ELP4: variants seen among roughly 807,000 people sequenced by gnomAD.
The protein encoded by ELP4 is elongator acetyltransferase complex subunit 4, also known as elongator complex protein 4.
In ELP4, 51 loss-of-function variants were observed where a neutral mutation model predicts 48.9. The observed-to-expected ratio is 1.04, with a 90% CI of 0.83 to 1.32. The LOEUF is 1.32. ELP4 is among the 40% of genes most tolerant of loss of function. The probability of loss-of-function intolerance (pLI) is 0.00; values close to 1 mark genes in which losing one functional copy is unlikely to be tolerated. For missense variants in ELP4, 519 were observed against 514.6 expected, an observed-to-expected ratio of 1.01 and a Z score of -0.08; for synonymous variants, 210 against 189.2, an observed-to-expected ratio of 1.11 and a Z score of -0.90.
At chr11:31,725,138 C>A (rs1439578029) in intron 9 of ELP4, among the ~76,000 whole-genome samples, 1 of 152,204 alleles carries the variant, frequency 6.6e-6, no homozygotes, top group East Asian at 1.9e-4. Context: ...CTGACTACCT[C>A]TGAGGCAGGA....
intron 9 of ELP4, among the ~76,000 whole-genome samples, chr11:31,740,313 C>G (rs1947416710): frequency 6.6e-6 from 1 of 152,130 alleles, no homozygotes; most frequent in Non-Finnish European, 1.5e-5. Flanking sequence ...GTTTGGCATG[C>G]TAAGGAATTT....
chr11:31,540,725 A>T (rs1379390315), intron 3 of ELP4, among the ~76,000 whole-genome samples: 1 of 152,252 alleles, frequency 6.6e-6, no homozygotes, highest in Non-Finnish European at 1.5e-5. Flanking sequence ...CTACACAGTC[A>T]TGATAATAAG....
At chr11:31,644,969 G>A (rs940937148) in intron 7 of ELP4, among the ~76,000 whole-genome samples, 1 of 151,682 alleles carries the variant, frequency 6.6e-6, no homozygotes, top group Non-Finnish European at 1.5e-5. Flanking sequence ...ATGTTTTTCA[G>A]ATATCCCTAC....
chr11:31,551,305 A>T (rs1956847272), intron 3 of ELP4, among the ~76,000 whole-genome samples: 1 of 152,140 alleles, frequency 6.6e-6, no homozygotes, highest in African/African-American at 2.4e-5. Flanking sequence ...CATCGTCAAC[A>T]TCATCTCGTC....
At chr11:31,601,370 A>C (rs1214955456) in intron 4 of ELP4, among the ~76,000 whole-genome samples, 1 of 152,130 alleles carries the variant, frequency 6.6e-6, no homozygotes, top group Non-Finnish European at 1.5e-5. Context: ...CATCAGCAAT[A>C]AAATTTTCAT....
intron 9 of ELP4, among the ~76,000 whole-genome samples, chr11:31,704,711 A>G (rs1468734223): frequency 6.6e-6 from 1 of 152,170 alleles, no homozygotes; most frequent in Non-Finnish European, 1.5e-5. Context: ...ACTCTTGTTT[A>G]TGACTTAAAG....
rs1946805583 is a variant in ELP4 at position 31,714,726 on chromosome 11, C to G, written c.1143+64505C>G. 3 of 398,578 alleles carry G rather than the reference C, an allele frequency of 7.5e-6. 1 individual carries two copies. The allele number at this position is 398,578 out of a possible 1,614,324, so 24.7% of individuals were successfully genotyped here. On this transcript the variant is annotated intron_variant, in intron 9 of 9. Coordinates refer to ENST00000640961, the MANE Select transcript of ELP4 (RefSeq NM_019040.5). ...GCCTTTTCCAGCTTCTAGAGGTTGC[C>G]TGCATTCCTTGGCTCATGGCTTCTT...
chr11:31,638,751 T>A (rs1304683283), intron 7 of ELP4, among the ~76,000 whole-genome samples: 1 of 151,846 alleles, frequency 6.6e-6, no homozygotes, highest in African/African-American at 2.4e-5. Flanking sequence ...CCATAAACTT[T>A]TTTGTTCATG....
At chr11:31,680,315 T>C (rs1946028888) in intron 9 of ELP4, among the ~76,000 whole-genome samples, 2 of 152,192 alleles carry the variant, frequency 1.3e-5, no homozygotes, top group Admixed American at 1.3e-4. Context: ...ACAGAAGGAA[T>C]TGAGTTAAAT....
intron 3 of ELP4, among the ~76,000 whole-genome samples, chr11:31,558,357 T>G (rs1242240391): frequency 6.6e-6 from 1 of 152,116 alleles, no homozygotes; most frequent in Non-Finnish European, 1.5e-5. Context: ...AGATAAAAAT[T>G]AAAATGTACA....
intron 9 of ELP4, among the ~76,000 whole-genome samples, chr11:31,669,879 A>G (rs1945771619): frequency 6.6e-6 from 1 of 152,164 alleles, no homozygotes; most frequent in African/African-American, 2.4e-5. Context: ...ACCAAACTAT[A>G]TATTGTCCTT....
chr11:31,615,607 T>C (rs1004391471), intron 5 of ELP4, among the ~76,000 whole-genome samples: 35 of 152,130 alleles, frequency 2.3e-4, no homozygotes, highest in African/African-American at 7.7e-4. Flanking sequence ...CTTTTTTTTT[T>C]CCCCTATCCC....
At chr11:31,625,630 A>G (rs905314275) in intron 5 of ELP4, among the ~76,000 whole-genome samples, 6 of 151,922 alleles carry the variant, frequency 3.9e-5, no homozygotes, top group Non-Finnish European at 8.8e-5. Context: ...TTATTAGTGG[A>G]TTAGAATGCA....
At chr11:31,591,579 A>C (rs940435676) in intron 3 of ELP4, among the ~76,000 whole-genome samples, 1 of 152,282 alleles carries the variant, frequency 6.6e-6, no homozygotes, top group African/African-American at 2.4e-5. Flanking sequence ...TAGGGTAGCT[A>C]TTTAAAAATA....
chr11:31,541,723 C>G lies in ELP4; in HGVS notation c.381+1940C>G, dbSNP rs1956593835. 2.0e-5 allele frequency among the ~76,000 whole-genome samples: 3 copies of G among 152,176 alleles called. No individual in the cohort carries two copies. In the South Asian group the frequency reaches 6.2e-4, roughly 31 times the overall value. On this transcript the variant is annotated intron_variant, in intron 3 of 9. Transcript: ENST00000640961. ...TAATTTCAAAACTAATCCCTGACAT[C>G]TTTCTTAGGGGTGCCTTGAATTTGT...
chr11:31,592,216 G>A (rs565518433), intron 3 of ELP4, among the ~76,000 whole-genome samples: 2 of 152,170 alleles, frequency 1.3e-5, no homozygotes, highest in South Asian at 2.1e-4. Context: ...TTAAAATGTT[G>A]TTTTTATGTT....
intron 9 of ELP4, among the ~76,000 whole-genome samples, chr11:31,674,990 C>T (rs536320487): frequency 6.6e-4 from 101 of 152,012 alleles, no homozygotes; most frequent in Non-Finnish European, 1.2e-3. Context: ...TTGTACACAA[C>T]GTGGCAGTAA....
intron 3 of ELP4, among the ~76,000 whole-genome samples, chr11:31,578,278 A>C (rs775016012): frequency 2.4e-4 from 37 of 152,126 alleles, no homozygotes; most frequent in Non-Finnish European, 4.3e-4. Flanking sequence ...ACCACTGCTC[A>C]GCGAAAGAAG....
At chr11:31,571,522 C>A (rs760859046) in intron 3 of ELP4, among the ~76,000 whole-genome samples, 1 of 152,174 alleles carries the variant, frequency 6.6e-6, no homozygotes, top group Non-Finnish European at 1.5e-5. Context: ...GACCTCCTCT[C>A]GTGAATCATG....
Sources: allele counts gnomAD v4.1 joint callset (sites outside exome capture counted in the v4.1 genomes callset), GRCh38; gene constraint gnomAD v4.1.1; transcripts MANE v1.5; gene names NCBI Gene and HGNC (gene_info 2026-07-23, HGNC 2026-07-21).